BCKDHB: variants seen among roughly 807,000 people sequenced by gnomAD.
BCKDHB encodes branched chain keto acid dehydrogenase E1 subunit beta.
A neutral mutation model predicts 48.5 loss-of-function variants in BCKDHB; 41 were observed. The ratio of observed to expected loss-of-function variants is 0.85; its 90% CI spans 0.66 to 1.10. The LOEUF (loss-of-function observed/expected upper bound fraction) is 1.10. Among genes scored for constraint, BCKDHB ranks in the 50% least tolerant of loss-of-function variants. The pLI is 0.00. For synonymous variants in BCKDHB, 201 were observed against 174.8 expected, an observed-to-expected ratio of 1.15 and a Z score of -1.18; for missense variants, 496 against 494.2, an observed-to-expected ratio of 1.00 and a Z score of -0.03.
chr6:80,124,402 A>G lies in BCKDHB; in HGVS notation c.197-3145A>G, dbSNP rs535344177. Among the ~76,000 whole-genome samples the G allele has an allele frequency of 3.9e-5, 6 of 152,316 alleles. No homozygotes were observed. In the South Asian group the frequency reaches 1.0e-3, roughly 26 times the overall value. ...GGGGTGGAGAGTTCTGTAGATGTCT[A>G]TTAGGTCCACTTGGTGCAGAGCTGA... On this transcript the variant is annotated intron_variant, in intron 1 of 9. Coordinates refer to ENST00000320393, the MANE Select transcript of BCKDHB (RefSeq NM_183050.4).
intron 9 of BCKDHB, among the ~76,000 whole-genome samples, chr6:80,341,269 G>A (rs1475989561): frequency 6.6e-6 from 1 of 152,076 alleles, no homozygotes; most frequent in East Asian, 1.9e-4. Flanking sequence ...ACAAATTTAT[G>A]TAACATAACA....
At chr6:80,357,196 C>T in the BCKDHB span, among the ~76,000 whole-genome samples, 2 of 152,090 alleles carry the variant, frequency 1.3e-5, no homozygotes, top group Non-Finnish European at 2.9e-5. Flanking sequence ...AAGGGTGAGG[C>T]ACCCAGGAAC....
the BCKDHB span, among the ~76,000 whole-genome samples, chr6:80,422,378 T>TGA: frequency 6.6e-6 from 1 of 152,126 alleles, no homozygotes; most frequent in African/African-American, 2.4e-5. Context: ...GGGGCCCTCA[T>TGA]GGAGAACCTC....
chr6:80,389,394 G>T, the BCKDHB span, among the ~76,000 whole-genome samples: 10 of 152,332 alleles, frequency 6.6e-5, no homozygotes, highest in East Asian at 1.9e-4. Flanking sequence ...ATTCCTCAGG[G>T]TGATCAGTCA....
rs932586340 is a variant in BCKDHB at position 80,343,904 on chromosome 6, C to G, written c.*100C>G. ...GCAATCATCAGTGTTTTGATGGTAA[C>G]AAACTTTGATGGTAAAGTTGGTAAA... On this transcript the variant is annotated 3_prime_UTR_variant, in exon 10 of 10. Coordinates refer to ENST00000320393, the MANE Select transcript of BCKDHB (RefSeq NM_183050.4). 6.8e-7 allele frequency: 1 copy of G among 1,472,298 alleles called. No homozygotes were observed. Among genetic ancestry groups the G allele is most frequent in the Non-Finnish European group, 9.5e-7 (1 of 1,054,616 alleles). 91.2% of individuals were successfully genotyped at this position (1,472,298 alleles called of 1,614,324 possible). A position where few individuals can be genotyped will look rare whatever the true frequency, so the allele number is the denominator to read the frequency against.
At chr6:80,149,771 T>G (rs1446104432) in intron 3 of BCKDHB, among the ~76,000 whole-genome samples, 1 of 137,938 alleles carries the variant, frequency 7.2e-6, no homozygotes, top group Non-Finnish European at 1.5e-5. Flanking sequence ...AGGTGGGAAT[T>G]GAACAATGAG....
At chr6:80,405,775 C>T in the BCKDHB span, among the ~76,000 whole-genome samples, 1 of 152,064 alleles carries the variant, frequency 6.6e-6, no homozygotes, top group Admixed American at 6.6e-5. Flanking sequence ...AGGTTGATAA[C>T]AATTTAATAC....
intron 7 of BCKDHB, among the ~76,000 whole-genome samples, chr6:80,202,414 C>T (rs957738516): frequency 1.3e-5 from 2 of 152,152 alleles, no homozygotes; most frequent in African/African-American, 2.4e-5. Flanking sequence ...ATGTCTCCCT[C>T]CTTTTAACAC....
At chr6:80,385,788 G>T in the BCKDHB span, among the ~76,000 whole-genome samples, 1 of 152,234 alleles carries the variant, frequency 6.6e-6, no homozygotes, top group Non-Finnish European at 1.5e-5. Context: ...CCGAGTTTTC[G>T]AATTTATATA....
intron 8 of BCKDHB, among the ~76,000 whole-genome samples, chr6:80,204,943 A>C (rs1774572294): frequency 6.6e-6 from 1 of 152,082 alleles, no homozygotes; most frequent in Admixed American, 6.6e-5. Flanking sequence ...AAGAGGAGAC[A>C]AGCGATCTCT....
the BCKDHB span, among the ~76,000 whole-genome samples, chr6:80,398,707 A>T: frequency 6.6e-6 from 1 of 152,190 alleles, no homozygotes; most frequent in African/African-American, 2.4e-5. Flanking sequence ...AAAAAAAAAA[A>T]TAGGGAGGGA....
At chr6:80,327,678 C>T (rs1769101448) in intron 9 of BCKDHB, among the ~76,000 whole-genome samples, 1 of 152,238 alleles carries the variant, frequency 6.6e-6, no homozygotes, top group South Asian at 2.1e-4. Context: ...TCTCATACTT[C>T]TCTTTCAAGA....
intron 9 of BCKDHB, among the ~76,000 whole-genome samples, chr6:80,311,492 G>A (rs566149992): frequency 3.9e-5 from 6 of 152,190 alleles, no homozygotes; most frequent in African/African-American, 1.2e-4. Flanking sequence ...TGGCATCTTC[G>A]TCAAGAAATC....
chr6:80,436,177 G>A, the BCKDHB span, among the ~76,000 whole-genome samples: 1,964 of 74,340 alleles, frequency 0.026, 56 homozygotes, highest in African/African-American at 0.082. Context: ...TTTTTTTGGC[G>A]GAGTCTCGCT....
the BCKDHB span, among the ~76,000 whole-genome samples, chr6:80,409,838 C>A: frequency 6.6e-6 from 1 of 151,608 alleles, no homozygotes. Context: ...AAATGGGTCT[C>A]CTGAATACAG....
At chr6:80,232,833 T>C (rs1775990723) in intron 8 of BCKDHB, among the ~76,000 whole-genome samples, 1 of 151,520 alleles carries the variant, frequency 6.6e-6, no homozygotes, top group Non-Finnish European at 1.5e-5. Flanking sequence ...TCTCTTTCTT[T>C]ATGGCAAGCA....
intron 6 of BCKDHB, among the ~76,000 whole-genome samples, chr6:80,173,289 A>G (rs376078401): frequency 6.6e-6 from 1 of 152,056 alleles, no homozygotes; most frequent in East Asian, 1.9e-4. Context: ...CCCATGCTTG[A>G]TCATGTATCA....
chr6:80,125,359 A>G (rs1382798598), intron 1 of BCKDHB, among the ~76,000 whole-genome samples: 2 of 152,292 alleles, frequency 1.3e-5, no homozygotes, highest in South Asian at 2.1e-4. Flanking sequence ...TATTCAGACC[A>G]CTAAAATTTT....
chr6:80,199,503 C>G lies in BCKDHB; in HGVS notation c.743-1431C>G, dbSNP rs184939576. 7.2e-5 allele frequency among the ~76,000 whole-genome samples: 11 copies of G among 152,150 alleles called. No individual in the cohort carries two copies. In the East Asian group the frequency reaches 1.5e-3, roughly 21 times the overall value. On this transcript the variant is annotated intron_variant, in intron 6 of 9. Transcript: ENST00000320393. The stretch of plus-strand genomic sequence containing the variant: ...GCATAAGAACTCAAGAATGGCTAGG[C>G]GCGATGGCTCACGCCTGTAATCCCA...
Sources: allele counts gnomAD v4.1 joint callset (sites outside exome capture counted in the v4.1 genomes callset), GRCh38; gene constraint gnomAD v4.1.1; transcripts MANE v1.5; gene names NCBI Gene and HGNC (gene_info 2026-07-23, HGNC 2026-07-21).